PCDH17: variants seen among roughly 807,000 people sequenced by gnomAD.
PCDH17 encodes the protein protocadherin-17.
In PCDH17, 21 loss-of-function variants were observed where a neutral mutation model predicts 67.7. That is an observed-to-expected ratio of 0.31 (90% CI 0.22 to 0.45). The LOEUF is 0.45. PCDH17 is among the 20% of genes least tolerant of loss of function. PCDH17 has a pLI of 1.00. For synonymous variants in PCDH17, 701 were observed against 656.7 expected (o/e 1.07, Z -1.03); for missense variants, 1,471 against 1,564.8 (o/e 0.94, Z 1.01).
chr13:57,684,810 C>T (rs1955491003), intron 3 of PCDH17, among the ~76,000 whole-genome samples: 1 of 151,908 alleles, frequency 6.6e-6, no homozygotes, highest in Non-Finnish European at 1.5e-5. Context: ...ATGCATTTCA[C>T]TACATTTATT....
chr13:57,646,298 A>G (rs1033474731), intron 1 of PCDH17, among the ~76,000 whole-genome samples: 1 of 151,684 alleles, frequency 6.6e-6, no homozygotes, highest in Non-Finnish European at 1.5e-5. Context: ...CAGTATTGTT[A>G]TTAAAAAGAC....
chr13:57,663,850 T>C (rs982715096), intron 1 of PCDH17, among the ~76,000 whole-genome samples: 3 of 152,130 alleles, frequency 2.0e-5, no homozygotes, highest in African/African-American at 7.2e-5. Context: ...TATCTTTTCA[T>C]TTCTCTCTCC....
intron 3 of PCDH17, among the ~76,000 whole-genome samples, chr13:57,672,600 C>G (rs1022588982): frequency 6.6e-6 from 1 of 151,946 alleles, no homozygotes; most frequent in South Asian, 2.1e-4. Context: ...ATGTGTGGAA[C>G]CACACATTCA....
chr13:57,694,245 C>T (rs897337917), intron 3 of PCDH17, among the ~76,000 whole-genome samples: 11 of 151,144 alleles, frequency 7.3e-5, no homozygotes, highest in Non-Finnish European at 1.0e-4. Context: ...CCCAATGGAC[C>T]TGAGTTCTGT....
chr13:57,635,261 A>G (rs1473209194), intron 1 of PCDH17, 150 bp downstream of exon 1: 2 of 707,180 alleles, frequency 2.8e-6, no homozygotes, highest in Non-Finnish European at 4.6e-6. Flanking sequence ...GACACTGTGT[A>G]TACATCATAT....
chr13:57,695,334 G>A (rs1022837956), intron 3 of PCDH17, among the ~76,000 whole-genome samples: 6 of 151,056 alleles, frequency 4.0e-5, no homozygotes, highest in Admixed American at 6.6e-5. Flanking sequence ...AGCAATTTTA[G>A]CATAAACCCT....
intron 1 of PCDH17, among the ~76,000 whole-genome samples, chr13:57,646,912 C>G (rs766933426): frequency 6.6e-6 from 1 of 151,724 alleles, no homozygotes; most frequent in Non-Finnish European, 1.5e-5. Flanking sequence ...AACCTTGATC[C>G]AGGGGGATGT....
intron 3 of PCDH17, among the ~76,000 whole-genome samples, chr13:57,698,738 C>A (rs1439055211): frequency 6.6e-6 from 1 of 151,852 alleles, no homozygotes; most frequent in Non-Finnish European, 1.5e-5. Flanking sequence ...CGAAATGATG[C>A]CTAATAAAAT....
rs922306130 is a variant in PCDH17, at chr13:57,633,750, G to T, written c.1204G>T (p.Gly402Cys). The T allele has an allele frequency of 1.9e-6, 3 of 1,587,936 alleles. No individual in the cohort carries two copies. The Admixed American group carries it at 5.2e-5, about 27-fold the overall frequency. Residue 402 changes from glycine (G) to cysteine (C), a missense_variant, in exon 1 of 4, where the codon GGC becomes TGC. Gly to Cys is a radical substitution (Grantham distance 159). Around this residue, in one of 3 missense-constraint regions of PCDH17, gnomAD observed 1,163 missense variants for 1,230.0 expected, o/e 0.95. Coordinates refer to ENST00000377918, the MANE Select transcript of PCDH17 (RefSeq NM_001040429.3). This position sits in a 1 kb window ranked among gnomAD's most constrained non-coding sequence, Gnocchi z 6.2. ...CGGAGGAGGGACGGGCGGCGGCGGG[G>T]GCCTGGGCGGGCCCGGGGGTTCCGT... ...LGGGGTGGGG[G>C]LGGPGGSVPF...
At chr13:57,719,313 A>T (rs1955853312) in intron 3 of PCDH17, among the ~76,000 whole-genome samples, 1 of 152,056 alleles carries the variant, frequency 6.6e-6, no homozygotes, top group South Asian at 2.1e-4. Context: ...CATTTGGTTG[A>T]CAATCATAAA....
chr13:57,640,230 A>G (rs1028777755), intron 1 of PCDH17, among the ~76,000 whole-genome samples: 12 of 152,008 alleles, frequency 7.9e-5, no homozygotes, highest in African/African-American at 2.4e-4. Context: ...CTTATGTACT[A>G]TAACACAATA....
chr13:57,694,771 C>T (rs1955591030), intron 3 of PCDH17, among the ~76,000 whole-genome samples: 1 of 150,850 alleles, frequency 6.6e-6, no homozygotes, highest in Non-Finnish European at 1.5e-5. Context: ...GTATATGATA[C>T]TATAATTGTT....
At chr13:57,673,153 C>T (rs1955344547) in intron 3 of PCDH17, among the ~76,000 whole-genome samples, 1 of 152,014 alleles carries the variant, frequency 6.6e-6, no homozygotes, top group South Asian at 2.1e-4. Context: ...GGTGATTACC[C>T]TCATCTTGTC....
chr13:57,646,221 G>T (rs1954964385), intron 1 of PCDH17, among the ~76,000 whole-genome samples: 1 of 151,496 alleles, frequency 6.6e-6, no homozygotes, highest in Non-Finnish European at 1.5e-5. Flanking sequence ...ATGTGGTAAT[G>T]AAATTTTTAT....
chr13:57,718,829 C>T (rs1406918004), intron 3 of PCDH17, among the ~76,000 whole-genome samples: 1 of 151,798 alleles, frequency 6.6e-6, no homozygotes, highest in African/African-American at 2.4e-5. Flanking sequence ...TGTGCACATG[C>T]ATGTGTGTGT....
rs539821832 is a variant in PCDH17 at position 57,642,674 on chromosome 13, G to C, written c.2565+7563G>C. Among the ~76,000 whole-genome samples, 3 of 151,216 alleles carry C rather than the reference G, an allele frequency of 2.0e-5. No individual in the cohort carries two copies. In the East Asian group the frequency reaches 5.8e-4, roughly 29 times the overall value. The stretch of plus-strand genomic sequence containing the variant: ...TTAACAGATGCTAAACAATGATTTG[G>C]TTTTTTGCGTGCCTAAAATTTTCAT... On this transcript the variant is annotated intron_variant, in intron 1 of 3. Transcript: ENST00000377918.
intron 3 of PCDH17, among the ~76,000 whole-genome samples, chr13:57,684,596 ATTAT>A (rs1239452860): frequency 6.6e-6 from 1 of 151,920 alleles, no homozygotes; most frequent in East Asian, 1.9e-4. Context: ...TATCAACCTA[ATTAT>A]TTATGTGTTC....
chr13:57,684,804 A>G (rs1196431446), intron 3 of PCDH17, among the ~76,000 whole-genome samples: 2 of 151,936 alleles, frequency 1.3e-5, no homozygotes, highest in Non-Finnish European at 2.9e-5. Context: ...TTGTACATGC[A>G]TTTCACTACA....
intron 3 of PCDH17, among the ~76,000 whole-genome samples, chr13:57,724,230 G>GA (rs1171744347): frequency 4.6e-5 from 7 of 152,168 alleles, no homozygotes; most frequent in African/African-American, 1.2e-4. Flanking sequence ...TATTTGATTT[G>GA]AAAAAAATAA....
Sources: allele counts gnomAD v4.1 joint callset (sites outside exome capture counted in the v4.1 genomes callset), GRCh38; gene constraint gnomAD v4.1.1; regional missense constraint gnomAD v4.1.1; non-coding constraint Gnocchi (gnomAD v3.1); transcripts MANE v1.5; gene names NCBI Gene and HGNC (gene_info 2026-07-23, HGNC 2026-07-21).